GRIA1: variants seen among roughly 807,000 people sequenced by gnomAD.
GRIA1 encodes glutamate receptor 1.
Under a neutral mutation model 99.2 loss-of-function variants are expected in GRIA1, and 31 were observed. The observed-to-expected ratio is 0.31, with a 90% CI of 0.23 to 0.42. The LOEUF (loss-of-function observed/expected upper bound fraction) is 0.42, where lower values mean the gene tolerates loss of function less well. Ranked by LOEUF, GRIA1 falls within the 10% of genes least tolerant of loss-of-function variation. The pLI is 1.00. For missense variants in GRIA1, 782 were observed against 1,157.5 expected, an observed-to-expected ratio of 0.68 and a Z score of 4.71; for synonymous variants, 438 against 432.4, an observed-to-expected ratio of 1.01 and a Z score of -0.16.
intron 2 of GRIA1, among the ~76,000 whole-genome samples, chr5:153,552,194 C>CA (rs1040770615): frequency 3.4e-5 from 5 of 148,048 alleles, no homozygotes; most frequent in Non-Finnish European, 7.4e-5. Flanking sequence ...ATCAACATTA[C>CA]AAAAAAACAT....
intron 2 of GRIA1, among the ~76,000 whole-genome samples, chr5:153,582,095 G>A (rs1374328822): frequency 1.3e-5 from 2 of 152,146 alleles, no homozygotes; most frequent in Non-Finnish European, 2.9e-5. Flanking sequence ...TGAATCTCTA[G>A]CATGGAAGAA....
chr5:153,630,974 T>C (rs756182252), intron 2 of GRIA1, among the ~76,000 whole-genome samples: 7 of 152,208 alleles, frequency 4.6e-5, no homozygotes, highest in Non-Finnish European at 1.0e-4. Flanking sequence ...TGGAAATAAC[T>C]GTGTTTGCAT....
At position 153,674,542 on chromosome 5, in the gene GRIA1, G is replaced by A. The variant is rs201229312; in HGVS notation, c.742G>A (p.Ala248Thr). 2.5e-5 allele frequency: 40 copies of A among 1,613,944 alleles called. No individual in the cohort carries two copies. Among genetic ancestry groups the A allele is most frequent in the Non-Finnish European group, 3.0e-5 (35 of 1,179,998 alleles). The change falls in exon 6 of 16, where the codon GCC (alanine) becomes ACC (threonine). Residue 248 changes from alanine to threonine, a missense_variant. This residue lies in a region of GRIA1 where 461 missense variants were observed against 521.7 expected (regional missense o/e 0.88). Transcript: ENST00000285900. ...CTTAAACAAATTCAAGGAGAGTGGC[G>A]CCAATGTGACAGGTTTCCAGCTGGT... Reference protein sequence around the residue: ...IDLNKFKESGANVTGFQLVNY... With the variant: ...IDLNKFKESGTNVTGFQLVNY...
intron 2 of GRIA1, among the ~76,000 whole-genome samples, chr5:153,560,481 G>A (rs1761024980): frequency 6.6e-6 from 1 of 152,114 alleles, no homozygotes; most frequent in Admixed American, 6.5e-5. Context: ...CCAGGTGGGA[G>A]GTAATTAAAT....
intron 13 of GRIA1, among the ~76,000 whole-genome samples, chr5:153,783,148 G>A (rs1056813049): frequency 2.0e-5 from 3 of 152,136 alleles, no homozygotes; most frequent in Non-Finnish European, 4.4e-5. Flanking sequence ...AGAAAATAAC[G>A]GACCTGCTGG....
rs1766118487 is a variant in GRIA1 at position 153,802,530 on chromosome 5, G to A, written c.2520+40G>A. 4 of 1,609,806 alleles carry A rather than the reference G, an allele frequency of 2.5e-6. No individual in the cohort carries two copies. In the African/African-American group the frequency reaches 4.0e-5, roughly 16 times the overall value. On this transcript the variant is annotated intron_variant, in intron 15 of 15. Transcript: ENST00000285900. ...CCGGGCCTTTTTCCTAACCTGTTCT[G>A]TGATGCAGCTGGGTTTCCTGGGAGT...
rs1554116390 is a variant in GRIA1 at position 153,705,693 on chromosome 5, T to TTC, written c.1453-4_1453-3insTC. On this transcript the variant is annotated splice_polypyrimidine_tract_variant and splice_region_variant and intron_variant, in intron 10 of 15. Coordinates refer to ENST00000285900, the MANE Select transcript of GRIA1 (RefSeq NM_000827.4). The stretch of plus-strand genomic sequence containing the variant: ...TTTTTTTTTTTTTTTTTTTTTTTTT[T>TTC]CAGAGAGCAGATGTGGCTGTGGCTC... The TTC allele has an allele frequency of 8.0e-4, 883 of 1,101,426 alleles. 57 individuals are homozygous for TTC. In the Admixed American group the frequency reaches 0.022, roughly 28 times the overall value. The allele number at this position is 1,101,426 out of a possible 1,614,324, so 68.2% of individuals were successfully genotyped here.
intron 2 of GRIA1, among the ~76,000 whole-genome samples, chr5:153,565,605 C>A (rs1288112033): frequency 6.6e-6 from 1 of 152,150 alleles, no homozygotes; most frequent in Admixed American, 6.6e-5. Flanking sequence ...TTCCCCAGCA[C>A]CCTCCCACCA....
At chr5:153,743,416 C>T (rs1761949635) in intron 11 of GRIA1, among the ~76,000 whole-genome samples, 1 of 152,202 alleles carries the variant, frequency 6.6e-6, no homozygotes, top group Admixed American at 6.5e-5. Context: ...GCCTGCTGAG[C>T]TCTCCTCTGG....
chr5:153,675,592 C>A (rs1756512489), intron 6 of GRIA1, among the ~76,000 whole-genome samples: 1 of 152,222 alleles, frequency 6.6e-6, no homozygotes, highest in African/African-American at 2.4e-5. Context: ...AACAGTGAAT[C>A]TTTGACAGAC....
rs1007798982 is a variant in GRIA1, at chr5:153,808,736, G to A, written c.2521-2289G>A. 2.0e-5 allele frequency among the ~76,000 whole-genome samples: 3 copies of A among 152,118 alleles called. No homozygotes were observed. In the South Asian group the frequency reaches 6.2e-4, roughly 32 times the overall value. Reference sequence around the variant, plus strand: ...AGCATTGCTTTCCACTGCAAAGTTTGGGCTCCATTTATCATTTCTCCTGAC... The same window carrying A: ...AGCATTGCTTTCCACTGCAAAGTTTAGGCTCCATTTATCATTTCTCCTGAC... On this transcript the variant is annotated intron_variant, in intron 15 of 15. Coordinates refer to ENST00000285900, the MANE Select transcript of GRIA1 (RefSeq NM_000827.4).
At chr5:153,737,178 C>T (rs1193478877) in intron 11 of GRIA1, among the ~76,000 whole-genome samples, 1 of 151,592 alleles carries the variant, frequency 6.6e-6, no homozygotes, top group East Asian at 1.9e-4. Flanking sequence ...ATAATCACTA[C>T]CTTGTTTATC....
At chr5:153,724,127 G>A (rs934449661) in intron 11 of GRIA1, among the ~76,000 whole-genome samples, 3 of 152,222 alleles carry the variant, frequency 2.0e-5, no homozygotes, top group African/African-American at 7.2e-5. Flanking sequence ...CTGTTACCCA[G>A]GCAAACAGGG....
At chr5:153,625,012 C>T (rs1206202840) in intron 2 of GRIA1, among the ~76,000 whole-genome samples, 1 of 152,186 alleles carries the variant, frequency 6.6e-6, no homozygotes, top group Non-Finnish European at 1.5e-5. Context: ...CAGAGACATA[C>T]CAAGTCAGCA....
intron 5 of GRIA1, among the ~76,000 whole-genome samples, chr5:153,672,277 T>C (rs888051097): frequency 6.6e-6 from 1 of 152,200 alleles, no homozygotes; most frequent in African/African-American, 2.4e-5. Context: ...ATTAACTCCT[T>C]AACATGTCTA....
chr5:153,545,906 A>G (rs1283243526), intron 2 of GRIA1, among the ~76,000 whole-genome samples: 1 of 152,214 alleles, frequency 6.6e-6, no homozygotes. Context: ...TGTTTAAGGC[A>G]TGATGGCCCT....
intron 4 of GRIA1, among the ~76,000 whole-genome samples, chr5:153,654,210 A>T (rs1408552982): frequency 1.3e-5 from 2 of 152,158 alleles, no homozygotes; most frequent in Non-Finnish European, 2.9e-5. Context: ...AAAGGAAGGT[A>T]TTAGAGGAGG....
intron 2 of GRIA1, among the ~76,000 whole-genome samples, chr5:153,586,804 G>T (rs1347973607): frequency 6.6e-6 from 1 of 152,150 alleles, no homozygotes; most frequent in Non-Finnish European, 1.5e-5. Flanking sequence ...AGAGAAATCA[G>T]GCTTTACTCA....
At chr5:153,517,665 G>T (rs1756752861) in intron 2 of GRIA1, among the ~76,000 whole-genome samples, 1 of 152,120 alleles carries the variant, frequency 6.6e-6, no homozygotes, top group African/African-American at 2.4e-5. Context: ...CAGCAAGTCT[G>T]TCAGTGCTAG....
Sources: gnomAD v4.1 joint callset for allele counts (sites outside exome capture counted in the v4.1 genomes callset) on GRCh38, gnomAD v4.1.1 for gene constraint, gnomAD v4.1.1 regional missense constraint, MANE v1.5 for transcripts, NCBI Gene and HGNC (gene_info 2026-07-23, HGNC 2026-07-21) for gene names.